The following MYO5C variants were observed in gnomAD, a reference collection of about 807,000 sequenced individuals.
MYO5C encodes myosin VC.
A neutral mutation model predicts 235.7 loss-of-function variants in MYO5C; 194 were observed. The observed-to-expected ratio is 0.82, with a 90% CI of 0.73 to 0.93. The LOEUF (loss-of-function observed/expected upper bound fraction) is 0.93, where lower values mean the gene tolerates loss of function less well. MYO5C is among the 40% of genes least tolerant of loss of function. The pLI is 0.00. For synonymous variants in MYO5C, 707 were observed against 754.8 expected (o/e 0.94, Z 1.04); for missense variants, 2,038 against 2,127.2 (o/e 0.96, Z 0.82).
At chr15:52,288,768 C>T (rs992400009) in intron 1 of MYO5C, among the ~76,000 whole-genome samples, 2 of 152,230 alleles carry the variant, frequency 1.3e-5, no homozygotes, top group African/African-American at 2.4e-5. Context: ...TGGGATGGAA[C>T]AGCTCGCCAA....
chr15:52,259,534 C>T (rs540298244), intron 10 of MYO5C, among the ~76,000 whole-genome samples: 12 of 152,164 alleles, frequency 7.9e-5, no homozygotes, highest in Admixed American at 2.6e-4. Context: ...AGAATAATTA[C>T]GTATTTCCAC....
At chr15:52,198,805 C>T (rs1354207650) in intron 38 of MYO5C, among the ~76,000 whole-genome samples, 1 of 152,080 alleles carries the variant, frequency 6.6e-6, no homozygotes, top group Non-Finnish European at 1.5e-5. Flanking sequence ...TGGTCTCGAA[C>T]TCCTGACCTT....
intron 29 of MYO5C, among the ~76,000 whole-genome samples, chr15:52,222,863 T>C (rs1482057051): frequency 6.6e-6 from 1 of 152,052 alleles, no homozygotes; most frequent in Non-Finnish European, 1.5e-5. Flanking sequence ...AGGAAGCCCT[T>C]GAAAAGGTGA....
intron 14 of MYO5C, 78 bp from the exon 15 acceptor site, chr15:52,247,670 G>T: frequency 6.6e-7 from 1 of 1,517,710 alleles, no homozygotes; most frequent in Non-Finnish European, 8.9e-7. Context: ...CGTAAATGGT[G>T]ACAACAACTC....
At chr15:52,202,529 T>C (rs2035212153) in intron 38 of MYO5C, among the ~76,000 whole-genome samples, 1 of 152,202 alleles carries the variant, frequency 6.6e-6, no homozygotes, top group Non-Finnish European at 1.5e-5. Flanking sequence ...TTCATGTCTC[T>C]ACTCAGTCTT....
chr15:52,282,941 G>C, intron 1 of MYO5C, 49 bp from the exon 2 acceptor site: 1 of 1,174,120 alleles, frequency 8.5e-7, no homozygotes, highest in Non-Finnish European at 1.3e-6. Flanking sequence ...CCAAAATTAT[G>C]GATCAATGCA....
At chr15:52,272,447 A>G in intron 6 of MYO5C, 133 bp downstream of exon 6, 7 of 846,804 alleles carry the variant, frequency 8.3e-6, no homozygotes, top group Non-Finnish European at 1.3e-5. Flanking sequence ...AAAAGAATCC[A>G]AACTGCAAAT....
At chr15:52,262,960 A>G (rs1426386231) in intron 9 of MYO5C, among the ~76,000 whole-genome samples, 2 of 152,202 alleles carry the variant, frequency 1.3e-5, no homozygotes, top group Non-Finnish European at 2.9e-5. Flanking sequence ...GAGGCCTGCC[A>G]TGATGGGATT....
chr15:52,253,190 T>A, intron 12 of MYO5C, 127 bp downstream of exon 12: 1 of 978,834 alleles, frequency 1.0e-6, no homozygotes, highest in South Asian at 1.6e-5. Flanking sequence ...TGTCCCAGCA[T>A]TAATATCCAT....
chr15:52,271,376 G>A (rs1042255607), intron 7 of MYO5C, among the ~76,000 whole-genome samples: 22 of 151,960 alleles, frequency 1.4e-4, no homozygotes, highest in Admixed American at 1.1e-3. Flanking sequence ...CTACAGGTGC[G>A]TGCCACCACA....
At chr15:52,198,196 A>G (rs1436812603) in intron 38 of MYO5C, among the ~76,000 whole-genome samples, 1 of 151,998 alleles carries the variant, frequency 6.6e-6, no homozygotes, top group Non-Finnish European at 1.5e-5. Flanking sequence ...TTAGCTGGGT[A>G]TGGTGGCGGA....
intron 8 of MYO5C, among the ~76,000 whole-genome samples, chr15:52,268,547 T>A (rs1294275353): frequency 6.6e-6 from 1 of 150,564 alleles, no homozygotes; most frequent in East Asian, 2.0e-4. Flanking sequence ...TAAGATTCTG[T>A]CTCAAAAAAA....
rs534270707 is a variant in MYO5C, at chr15:52,260,683, C to T, written c.1313+179G>A. ...CCTAATTCAGCATCTCTTTAATGCACTTTGAATAAATGGCACCATAGCCCA... is the reference window on the plus strand; with the variant it reads ...CCTAATTCAGCATCTCTTTAATGCATTTTGAATAAATGGCACCATAGCCCA... On this transcript the variant is annotated intron_variant, in intron 10 of 40. Coordinates refer to ENST00000261839, the MANE Select transcript of MYO5C (RefSeq NM_018728.4). 9.2e-5 allele frequency among the ~76,000 whole-genome samples: 14 copies of T among 152,316 alleles called. No individual in the cohort carries two copies. In the East Asian group the frequency reaches 2.7e-3, roughly 29 times the overall value.
At chr15:52,266,592 C>T (rs1255841719) in intron 8 of MYO5C, among the ~76,000 whole-genome samples, 4 of 152,254 alleles carry the variant, frequency 2.6e-5, no homozygotes, top group South Asian at 4.1e-4. Flanking sequence ...ACTACAACCA[C>T]CCGAAGGAAT....
intron 32 of MYO5C, among the ~76,000 whole-genome samples, chr15:52,216,001 G>A (rs1295834728): frequency 2.0e-5 from 3 of 151,864 alleles, no homozygotes; most frequent in Admixed American, 6.6e-5. Context: ...CAAAAATCTC[G>A]TCCACATGTT....
intron 10 of MYO5C, among the ~76,000 whole-genome samples, chr15:52,257,142 G>A (rs2036601122): frequency 6.6e-6 from 1 of 152,234 alleles, no homozygotes; most frequent in South Asian, 2.1e-4. Flanking sequence ...CCTCCAATGA[G>A]AAGGCAATGT....
At chr15:52,295,270 G>C (rs1245933821) in intron 1 of MYO5C, among the ~76,000 whole-genome samples, 1 of 152,236 alleles carries the variant, frequency 6.6e-6, no homozygotes, top group Non-Finnish European at 1.5e-5. Context: ...GCGACCCCTG[G>C]GCACTGGGGA....
rs925537029 is a variant in MYO5C at position 52,272,718 on chromosome 15, A to G, written c.612T>C (p.Val204=). 37 of 1,611,360 alleles carry G rather than the reference A, an allele frequency of 2.3e-5. No homozygotes were observed. The highest frequency in any genetic ancestry group is 2.8e-5 in the Non-Finnish European group (33 of 1,179,470). The change falls in exon 6 of 41, where the codon GTT becomes GTC. Residue 204 remains valine, a synonymous_variant. Coordinates refer to ENST00000261839, the MANE Select transcript of MYO5C (RefSeq NM_018728.4). The part of the protein sequence containing the change: ...VLASNPITEA[V]GNAKTTRNDN... ...CATTGCGGGTGGTCTTGGCATTTCC[A>G]ACGGCCTAAAAAAAATAAGACTCTA...
chr15:52,204,662 G>A (rs1025296183), intron 38 of MYO5C, among the ~76,000 whole-genome samples: 13 of 152,130 alleles, frequency 8.5e-5, no homozygotes, highest in Non-Finnish European at 1.5e-4. Context: ...AGTCCATCTA[G>A]TTGGCAGGGT....
Sources: gnomAD v4.1 joint callset for allele counts (sites outside exome capture counted in the v4.1 genomes callset) on GRCh38, gnomAD v4.1.1 for gene constraint, MANE v1.5 for transcripts, NCBI Gene and HGNC (gene_info 2026-07-23, HGNC 2026-07-21) for gene names.